The following GLIS3 variants were observed in gnomAD, a reference collection of about 807,000 sequenced individuals.
GLIS3 encodes zinc finger protein GLIS3.
In GLIS3, 53 loss-of-function variants were observed where a neutral mutation model predicts 78.6. The observed-to-expected ratio is 0.67, with a 90% CI of 0.54 to 0.85. GLIS3 has a LOEUF of 0.85. Ranked by LOEUF, GLIS3 falls within the 40% of genes least tolerant of loss-of-function variation. The pLI is 0.00. For missense variants in GLIS3, 1,703 were observed against 1,231.1 expected (o/e 1.38, Z -5.74); for synonymous variants, 684 against 509.9 (o/e 1.34, Z -4.60).
chr9:4,080,523 A>C (rs1017386755), intron 4 of GLIS3, among the ~76,000 whole-genome samples: 1 of 152,232 alleles, frequency 6.6e-6, no homozygotes, highest in Non-Finnish European at 1.5e-5. Flanking sequence ...GAGCTAAGGG[A>C]AAGGATAAAT....
chr9:4,464,287 T>G, the GLIS3 span, among the ~76,000 whole-genome samples: 5 of 152,090 alleles, frequency 3.3e-5, no homozygotes, highest in Non-Finnish European at 5.9e-5. Context: ...TGTTTTAGTT[T>G]CACTGTTTTA....
chr9:4,172,112 C>A (rs1344749620), intron 2 of GLIS3, among the ~76,000 whole-genome samples: 1 of 152,036 alleles, frequency 6.6e-6, no homozygotes, highest in Non-Finnish European at 1.5e-5. Context: ...TTTAGCTCTG[C>A]CTCCAAATGC....
At chr9:4,446,826 T>A in the GLIS3 span, among the ~76,000 whole-genome samples, 2 of 152,032 alleles carry the variant, frequency 1.3e-5, no homozygotes, top group Admixed American at 1.3e-4. Flanking sequence ...TTCTTTCTCA[T>A]GATGTGAAAG....
At chr9:3,904,723 G>C (rs1037525668) in intron 6 of GLIS3, among the ~76,000 whole-genome samples, 1 of 152,136 alleles carries the variant, frequency 6.6e-6, no homozygotes, top group Non-Finnish European at 1.5e-5. Flanking sequence ...ACAGTGTGTT[G>C]GATACTGTGT....
the GLIS3 span, among the ~76,000 whole-genome samples, chr9:4,444,878 C>T: frequency 1.5e-4 from 23 of 152,196 alleles, no homozygotes; most frequent in African/African-American, 5.1e-4. Context: ...GAAAAACCTC[C>T]ATAGGGGCTC....
intron 1 of GLIS3, 111 bp downstream of exon 1, chr9:4,299,310 T>C (rs1446843281): frequency 6.6e-6 from 1 of 152,196 alleles, no homozygotes; most frequent in African/African-American, 2.4e-5. Flanking sequence ...CGTAGAAAAC[T>C]ATTTGTAATC....
chr9:3,978,139 C>T (rs916521587), intron 4 of GLIS3, among the ~76,000 whole-genome samples: 8 of 152,114 alleles, frequency 5.3e-5, no homozygotes, highest in African/African-American at 1.7e-4. Flanking sequence ...ACTGTGGACA[C>T]TCCTCTGCAC....
Position 3,851,298 on chromosome 9 carries a change from C to T in GLIS3, c.2473+4711G>A, listed in dbSNP as rs150363786. On this transcript the variant is annotated intron_variant, in intron 9 of 10. Coordinates refer to ENST00000381971, the MANE Select transcript of GLIS3 (RefSeq NM_001042413.2). ...AGTGTCCTAAGGAGAAAGAAAAGAC[C>T]GAAAAACAAGCTTACATGATTGCAG... Among the ~76,000 whole-genome samples, 37 of 152,194 alleles carry T rather than the reference C, an allele frequency of 2.4e-4. 1 individual carries two copies. The East Asian group carries it at 6.2e-3, about 25-fold the overall frequency.
At chr9:3,864,971 C>T (rs1337592075) in intron 8 of GLIS3, among the ~76,000 whole-genome samples, 1 of 152,124 alleles carries the variant, frequency 6.6e-6, no homozygotes, top group East Asian at 1.9e-4. Context: ...CAACTTGGTG[C>T]CAATTCCTGT....
chr9:4,219,727 T>C (rs1821153484), intron 2 of GLIS3, among the ~76,000 whole-genome samples: 1 of 152,062 alleles, frequency 6.6e-6, no homozygotes, highest in Non-Finnish European at 1.5e-5. Context: ...CCACAAATAG[T>C]GCAACTGAGC....
At chr9:4,024,967 G>C (rs1389065473) in intron 4 of GLIS3, among the ~76,000 whole-genome samples, 1 of 152,136 alleles carries the variant, frequency 6.6e-6, no homozygotes, top group Non-Finnish European at 1.5e-5. Context: ...ACATACTCAA[G>C]GCTAGGCACG....
intron 3 of GLIS3, among the ~76,000 whole-genome samples, chr9:4,119,950 A>G (rs1294219159): frequency 6.6e-6 from 1 of 152,264 alleles, no homozygotes; most frequent in Non-Finnish European, 1.5e-5. Context: ...AATTTGCCAC[A>G]GAGGCAAGAC....
intron 1 of GLIS3, among the ~76,000 whole-genome samples, chr9:4,287,919 C>A (rs1024452957): frequency 6.6e-6 from 1 of 152,184 alleles, no homozygotes; most frequent in Non-Finnish European, 1.5e-5. Context: ...AGAATGTTTT[C>A]TTAATTCTTA....
chr9:4,175,011 CA>C (rs901352988), intron 2 of GLIS3, among the ~76,000 whole-genome samples: 2 of 152,176 alleles, frequency 1.3e-5, no homozygotes, highest in African/African-American at 4.8e-5. Context: ...ACTTAATTGA[CA>C]GGGGCAGGCC....
intron 4 of GLIS3, among the ~76,000 whole-genome samples, chr9:3,956,028 C>CCAA (rs1491307787): frequency 3.4e-5 from 3 of 87,600 alleles, no homozygotes; most frequent in Admixed American, 1.3e-4. Context: ...CCAGATTCAG[C>CCAA]AAAAAAAAAA....
chr9:4,091,993 A>G (rs1419233449), intron 4 of GLIS3, among the ~76,000 whole-genome samples: 5 of 152,136 alleles, frequency 3.3e-5, no homozygotes, highest in African/African-American at 4.8e-5. Flanking sequence ...TGGGACTGGA[A>G]GTTGTTCTGG....
At chr9:4,331,613 G>A (rs761365295) in intron 2 of GLIS3, among the ~76,000 whole-genome samples, 15 of 152,194 alleles carry the variant, frequency 9.9e-5, no homozygotes, top group South Asian at 4.1e-4. Context: ...GTACTTGAGC[G>A]ACAGCGGTCA....
intron 6 of GLIS3, among the ~76,000 whole-genome samples, chr9:3,920,266 A>G (rs920844069): frequency 3.9e-5 from 6 of 152,078 alleles, no homozygotes; most frequent in Non-Finnish European, 5.9e-5. Context: ...GCCTCCCAAA[A>G]TGCTGGGATT....
chr9:3,853,772 C>T (rs1451336453), intron 9 of GLIS3, among the ~76,000 whole-genome samples: 1 of 152,164 alleles, frequency 6.6e-6, no homozygotes, highest in Admixed American at 6.5e-5. Context: ...ATTATCCTAC[C>T]ATCCTGATAT....
Sources: gnomAD v4.1 joint callset for allele counts (sites outside exome capture counted in the v4.1 genomes callset) on GRCh38, gnomAD v4.1.1 for gene constraint, MANE v1.5 for transcripts, NCBI Gene and HGNC (gene_info 2026-07-23, HGNC 2026-07-21) for gene names.